DRC9: variants seen among roughly 807,000 people sequenced by gnomAD.
DRC9 encodes the protein dynein regulatory complex subunit 9, also known as dynein regulatory complex protein 9.
At chr3:197,930,549 T>G in the DRC9 span, among the ~76,000 whole-genome samples, 64 of 148,434 alleles carry the variant, frequency 4.3e-4, no homozygotes, top group East Asian at 6.0e-4. Flanking sequence ...GAGACCAGCC[T>G]GGTTAACATG....
the DRC9 span, chr3:197,913,764 G>C: frequency 9.3e-7 from 1 of 1,079,226 alleles, no homozygotes; most frequent in Non-Finnish European, 1.4e-6. Context: ...TGGAGGGGCT[G>C]TTGCCGATAG....
chr3:197,897,447 T>A, the DRC9 span, among the ~76,000 whole-genome samples: 20 of 152,326 alleles, frequency 1.3e-4, no homozygotes, highest in Non-Finnish European at 2.2e-4. Flanking sequence ...AGGCCCAAGA[T>A]AGCTGCTGAT....
chr3:197,893,357 C>CAA, the DRC9 span, among the ~76,000 whole-genome samples: 1,450 of 41,710 alleles, frequency 0.035, 186 homozygotes, highest in African/African-American at 0.1. Context: ...AACTCCGTCT[C>CAA]AAAAAAAAAA....
the DRC9 span, among the ~76,000 whole-genome samples, chr3:197,936,332 TAA>T: frequency 2.6e-5 from 4 of 152,122 alleles, no homozygotes; most frequent in African/African-American, 9.7e-5. Context: ...TTTAAATTCA[TAA>T]AGAGTTGTAG....
the DRC9 span, chr3:197,949,363 G>A: frequency 6.6e-6 from 1 of 152,240 alleles, no homozygotes; most frequent in Admixed American, 6.5e-5. Context: ...AGTATCTACG[G>A]AGGACCTACT....
chr3:197,931,494 C>CA, the DRC9 span, among the ~76,000 whole-genome samples: 1 of 88,184 alleles, frequency 1.1e-5, no homozygotes, highest in African/African-American at 8.0e-5. Context: ...AAAAACAAAA[C>CA]AAACAAACAA....
At chr3:197,937,638 C>T in the DRC9 span, among the ~76,000 whole-genome samples, 1 of 152,026 alleles carries the variant, frequency 6.6e-6, no homozygotes, top group Non-Finnish European at 1.5e-5. Flanking sequence ...CACCACCACG[C>T]CTGGCTAATT....
At chr3:197,952,162 GTTTTTTTTT>G in the DRC9 span, among the ~76,000 whole-genome samples, 10 of 83,890 alleles carry the variant, frequency 1.2e-4, no homozygotes, top group East Asian at 2.0e-3. Context: ...AAAATTATGG[GTTTTTTTTT>G]TTTTTTTTTT....
At chr3:197,950,555 CTCTT>C in the DRC9 span, 1 of 328,280 alleles carries the variant, frequency 3.0e-6, no homozygotes. Context: ...TCTGACCAGT[CTCTT>C]TCCTCAGCTT....
At chr3:197,894,562 A>G in the DRC9 span, 1 of 152,184 alleles carries the variant, frequency 6.6e-6, no homozygotes, top group African/African-American at 2.4e-5. Context: ...GATGATTAGC[A>G]TGGCTCCTGC....
chr3:197,932,041 C>G, the DRC9 span: 1 of 944,346 alleles, frequency 1.1e-6, no homozygotes, highest in South Asian at 1.6e-5. Context: ...AGGAAGAAAA[C>G]CCAAATTCTG....
At chr3:197,925,831 G>A in the DRC9 span, among the ~76,000 whole-genome samples, 18 of 152,042 alleles carry the variant, frequency 1.2e-4, no homozygotes, top group East Asian at 1.9e-4. Flanking sequence ...AGATCCGCCC[G>A]CCTCAGCCTC....
At chr3:197,913,764 G>A in the DRC9 span, 2 of 1,079,226 alleles carry the variant, frequency 1.9e-6, no homozygotes, top group Admixed American at 1.7e-5. Flanking sequence ...TGGAGGGGCT[G>A]TTGCCGATAG....
chr3:197,912,551 G>T, the DRC9 span: 1 of 724,504 alleles, frequency 1.4e-6, no homozygotes, highest in South Asian at 1.7e-5. Flanking sequence ...AAGAAAACAT[G>T]AGCTAAAGTT....
chr3:197,923,498 G>A, the DRC9 span, among the ~76,000 whole-genome samples: 1 of 152,152 alleles, frequency 6.6e-6, no homozygotes, highest in Non-Finnish European at 1.5e-5. Context: ...GGGGGGCCAA[G>A]GCAGACAGAT....
the DRC9 span, chr3:197,944,054 A>C: frequency 1.2e-6 from 2 of 1,608,344 alleles, no homozygotes; most frequent in Non-Finnish European, 1.7e-6. Flanking sequence ...GGCTGTCTCT[A>C]AGGAAAGAAT....
the DRC9 span, among the ~76,000 whole-genome samples, chr3:197,931,342 C>A: frequency 6.6e-6 from 1 of 151,728 alleles, no homozygotes; most frequent in East Asian, 2.0e-4. Context: ...ATTAGCCAGG[C>A]GTGGTGGCAG....
At chr3:197,898,195 C>G in the DRC9 span, among the ~76,000 whole-genome samples, 1 of 152,246 alleles carries the variant, frequency 6.6e-6, no homozygotes, top group East Asian at 1.9e-4. Flanking sequence ...CCCTCACCTC[C>G]TCCAAGTACC....
the DRC9 span, among the ~76,000 whole-genome samples, chr3:197,923,648 T>C: frequency 1.3e-5 from 2 of 152,048 alleles, no homozygotes; most frequent in African/African-American, 4.8e-5. Context: ...GAGAATCATT[T>C]GAGCCTGGGA....
Sources: allele counts gnomAD v4.1 joint callset (sites outside exome capture counted in the v4.1 genomes callset), GRCh38; gene constraint gnomAD v4.1.1; transcripts MANE v1.5; gene names NCBI Gene and HGNC (gene_info 2026-07-23, HGNC 2026-07-21).